Variants in NRXN3 observed in about 807,000 individuals in gnomAD.
NRXN3 encodes the protein neurexin III.
Under a neutral mutation model 137.6 loss-of-function variants are expected in NRXN3, and 32 were observed. The observed-to-expected ratio is 0.23, with a 90% CI of 0.18 to 0.31. The LOEUF is 0.31. Among genes scored for constraint, NRXN3 ranks in the 10% least tolerant of loss-of-function variants. NRXN3 has a pLI of 1.00. For missense variants in NRXN3, 1,574 were observed against 2,062.5 expected (o/e 0.76, Z 4.59); for synonymous variants, 798 against 784.5 (o/e 1.02, Z -0.29).
intron 15 of NRXN3, among the ~76,000 whole-genome samples, chr14:79,004,515 A>ATT (rs755818194): frequency 6.6e-6 from 1 of 152,178 alleles, no homozygotes; most frequent in Non-Finnish European, 1.5e-5. Flanking sequence ...AAGTGCTGGG[A>ATT]TTACAGGTGT....
At chr14:79,470,104 TG>T (rs2096481500) in intron 16 of NRXN3, among the ~76,000 whole-genome samples, 1 of 152,150 alleles carries the variant, frequency 6.6e-6, no homozygotes, top group Non-Finnish European at 1.5e-5. Flanking sequence ...GAAAGAGCTT[TG>T]GGGCCATTAA....
At chr14:78,481,703 C>T (rs1346578110) in intron 4 of NRXN3, among the ~76,000 whole-genome samples, 1 of 152,168 alleles carries the variant, frequency 6.6e-6, no homozygotes, top group Non-Finnish European at 1.5e-5. Context: ...TTTTTATCTT[C>T]ATACCAAAAA....
intron 8 of NRXN3, among the ~76,000 whole-genome samples, chr14:78,800,370 G>A (rs796134139): frequency 5.9e-5 from 9 of 152,168 alleles, no homozygotes; most frequent in Admixed American, 3.3e-4. Flanking sequence ...AGCACCAGGC[G>A]AATAGTAAAT....
intron 19 of NRXN3, among the ~76,000 whole-genome samples, 164 bp downstream of exon 19, chr14:79,698,101 T>C (rs1343898500): frequency 1.3e-5 from 2 of 152,024 alleles, no homozygotes; most frequent in African/African-American, 4.8e-5. Context: ...GGTGAAGTCA[T>C]TGCTAAAGAA....
intron 8 of NRXN3, among the ~76,000 whole-genome samples, chr14:78,770,767 C>T (rs531906953): frequency 5.3e-5 from 8 of 151,612 alleles, no homozygotes; most frequent in South Asian, 2.1e-4. Flanking sequence ...AGAGGAGGAA[C>T]AAAGTAAGTA....
intron 4 of NRXN3, among the ~76,000 whole-genome samples, chr14:78,587,832 T>C (rs1455305957): frequency 6.6e-6 from 1 of 152,206 alleles, no homozygotes; most frequent in African/African-American, 2.4e-5. Context: ...CTATATTTTG[T>C]GTTGTTTACC....
intron 15 of NRXN3, among the ~76,000 whole-genome samples, chr14:79,316,114 C>T (rs930273722): frequency 2.6e-5 from 4 of 152,050 alleles, no homozygotes; most frequent in South Asian, 2.1e-4. Flanking sequence ...CTTATTTCTT[C>T]ACACACACAC....
chr14:78,369,454 T>G (rs1393610873), intron 4 of NRXN3, among the ~76,000 whole-genome samples: 1 of 152,210 alleles, frequency 6.6e-6, no homozygotes, highest in Admixed American at 6.5e-5. Context: ...TCCCATGCTC[T>G]TACCTACCTT....
intron 15 of NRXN3, among the ~76,000 whole-genome samples, chr14:79,398,736 G>A (rs1007045230): frequency 7.9e-5 from 12 of 152,056 alleles, no homozygotes; most frequent in East Asian, 1.9e-4. Flanking sequence ...TTGGCTGGGC[G>A]TGGTTGTTCA....
chr14:78,651,129 G>C, intron 5 of NRXN3, 36 bp from the exon 6 acceptor site: 1 of 1,603,320 alleles, frequency 6.2e-7, no homozygotes, highest in Non-Finnish European at 8.5e-7. Flanking sequence ...TAAGGTCATT[G>C]TTGGGATTTT....
At chr14:78,881,313 G>T (rs575724752) in intron 10 of NRXN3, among the ~76,000 whole-genome samples, 3 of 151,786 alleles carry the variant, frequency 2.0e-5, no homozygotes, top group African/African-American at 7.3e-5. Context: ...CTTTGGAACT[G>T]GGTAACATAC....
At chr14:79,027,702 AAAGG>A in intron 15 of NRXN3, among the ~76,000 whole-genome samples, 1 of 152,236 alleles carries the variant, frequency 6.6e-6, no homozygotes, top group Non-Finnish European at 1.5e-5. Context: ...TCAGCTCTGG[AAAGG>A]ATGTTGTTAC....
intron 15 of NRXN3, among the ~76,000 whole-genome samples, chr14:79,137,962 G>A (rs1464493038): frequency 3.3e-5 from 5 of 152,178 alleles, no homozygotes; most frequent in Admixed American, 6.5e-5. Context: ...CCTATGGCAC[G>A]TGTTATGCTA....
chr14:78,533,659 A>G lies in NRXN3; in HGVS notation c.758-111461A>G, dbSNP rs141270647. On this transcript the variant is annotated intron_variant, in intron 4 of 20. Transcript: ENST00000335750. ...TGTGGGAGCCTTCCCCTTTGCCAATATTGGCATTTGCCTATTTTCTTAGTT... is the reference window on the plus strand; with the variant it reads ...TGTGGGAGCCTTCCCCTTTGCCAATGTTGGCATTTGCCTATTTTCTTAGTT... Among the ~76,000 whole-genome samples, 516 of 152,202 alleles carry G rather than the reference A, an allele frequency of 3.4e-3. 4 individuals are homozygous for G. The highest frequency in any genetic ancestry group is 0.012 in the African/African-American group (490 of 41,516).
chr14:79,663,718 T>A, intron 16 of NRXN3, 60 bp from the exon 17 acceptor site: 2 of 1,504,444 alleles, frequency 1.3e-6, no homozygotes, highest in South Asian at 2.4e-5. Flanking sequence ...AGGATCAAGT[T>A]TAAAGGGAGA....
intron 16 of NRXN3, among the ~76,000 whole-genome samples, chr14:79,622,258 G>C (rs2098232265): frequency 6.6e-6 from 1 of 152,150 alleles, no homozygotes; most frequent in Non-Finnish European, 1.5e-5. Context: ...ACCTATTAAT[G>C]TTAGTAGTAG....
chr14:79,162,006 G>A (rs1276222129), intron 15 of NRXN3, among the ~76,000 whole-genome samples: 1 of 151,828 alleles, frequency 6.6e-6, no homozygotes, highest in East Asian at 1.9e-4. Flanking sequence ...TTAGGGCCCT[G>A]TGGCTTATCT....
At chr14:79,673,502 T>C (rs1025113528) in intron 17 of NRXN3, among the ~76,000 whole-genome samples, 3 of 152,112 alleles carry the variant, frequency 2.0e-5, no homozygotes, top group African/African-American at 7.2e-5. Flanking sequence ...TATATTGCAC[T>C]TTCAAACAGC....
In NRXN3 at chr14:79,627,799, G is replaced by A. The variant is rs2098298488; in HGVS notation, c.3445-35979G>A. ...TGAAGTACCATGTTTAAGGCTTCTG[G>A]CGTGGGTGCTGAGATATAGCAGATA... On this transcript the variant is annotated intron_variant, in intron 16 of 20. Coordinates refer to ENST00000335750, the MANE Select transcript of NRXN3 (RefSeq NM_001330195.2). Among the ~76,000 whole-genome samples the A allele has an allele frequency of 2.0e-5, 3 of 152,060 alleles. No homozygotes were observed. In the South Asian group the frequency reaches 6.2e-4, roughly 32 times the overall value.
Sources: allele counts gnomAD v4.1 joint callset (sites outside exome capture counted in the v4.1 genomes callset), GRCh38; gene constraint gnomAD v4.1.1; transcripts MANE v1.5; gene names NCBI Gene and HGNC (gene_info 2026-07-23, HGNC 2026-07-21).